XIAP: variants seen among roughly 807,000 people sequenced by gnomAD.
The protein encoded by XIAP is E3 ubiquitin-protein ligase XIAP.
A neutral mutation model predicts 33.1 loss-of-function variants in XIAP; 3 were observed. The ratio of observed to expected loss-of-function variants is 0.09; its 90% CI spans 0.04 to 0.23. The LOEUF (loss-of-function observed/expected upper bound fraction) is 0.23. XIAP is among the 10% of genes least tolerant of loss of function. The pLI is 1.00. For synonymous variants in XIAP, 98 were observed against 121.3 expected, an observed-to-expected ratio of 0.81 and a Z score of 1.26; for missense variants, 264 against 363.0, an observed-to-expected ratio of 0.73 and a Z score of 2.22.
At chrX:123,880,782 T>C (rs2053296554) in intron 1 of XIAP, among the ~76,000 whole-genome samples, 1 of 108,585 alleles carries the variant, frequency 9.2e-6, no homozygotes, top group South Asian at 4.0e-4. Context: ...TTTTGTGTCG[T>C]ATACAGACAC....
Position 123,899,722 on chromosome X carries a change from T to G in XIAP, c.1100-771T>G, listed in dbSNP as rs1009049264. 1.6e-4 allele frequency among the ~76,000 whole-genome samples: 18 copies of G among 110,798 alleles called. No homozygotes were observed. The East Asian group carries it at 3.9e-3, about 24-fold the overall frequency. ...TCCATATTGTCTGTGGCAATAGTTT[T>G]TTTTTTTTTTCTTGCTGTGTAGCGT... On this transcript the variant is annotated intron_variant, in intron 5 of 6. Transcript: ENST00000371199.
At chrX:123,860,835 T>G (rs2053072403) in intron 1 of XIAP, among the ~76,000 whole-genome samples, 1 of 111,419 alleles carries the variant, frequency 9.0e-6, no homozygotes, top group Admixed American at 9.7e-5. Context: ...GGGAGGGGAG[T>G]GTTTATTCTC....
intron 5 of XIAP, among the ~76,000 whole-genome samples, chrX:123,896,406 C>T (rs2053460448): frequency 9.0e-6 from 1 of 110,863 alleles, no homozygotes; most frequent in African/African-American, 3.3e-5. Context: ...TTCTACTGAA[C>T]AGTCTAGGGG....
At chrX:123,901,816 A>T (rs1569479373) in intron 6 of XIAP, among the ~76,000 whole-genome samples, 1 of 110,853 alleles carries the variant, frequency 9.0e-6, no homozygotes, top group Non-Finnish European at 1.9e-5. Context: ...TTTAATTGTC[A>T]TCTTTCTTTC....
At chrX:123,865,606 C>T (rs1474977374) in intron 1 of XIAP, among the ~76,000 whole-genome samples, 1 of 108,807 alleles carries the variant, frequency 9.2e-6, no homozygotes, top group African/African-American at 3.3e-5. Context: ...CGCCTGTAGT[C>T]CCAGCTACTT....
At chrX:123,901,654 A>G (rs1361866873) in intron 6 of XIAP, among the ~76,000 whole-genome samples, 2 of 111,988 alleles carry the variant, frequency 1.8e-5, no homozygotes, top group African/African-American at 3.2e-5. Flanking sequence ...AGATAATCGT[A>G]TAAGTTATGA....
intron 1 of XIAP, among the ~76,000 whole-genome samples, chrX:123,865,597 G>A (rs1237679165): frequency 2.0e-4 from 22 of 108,225 alleles, no homozygotes; most frequent in African/African-American, 5.7e-4. Context: ...GGTGGCAGGC[G>A]CCTGTAGTCC....
intron 6 of XIAP, among the ~76,000 whole-genome samples, chrX:123,905,498 T>TGCACACACAC (rs1261644762): frequency 8.9e-6 from 1 of 111,755 alleles, no homozygotes; most frequent in African/African-American, 3.3e-5. Flanking sequence ...TATGCATGCA[T>TGCACACACAC]GCACACACAC....
Position 123,906,844 on chromosome X carries a change from A to T in XIAP, c.1301-144A>T, listed in dbSNP as rs765835132. 11 of 628,575 alleles carry T rather than the reference A, an allele frequency of 1.7e-5. No homozygotes were observed. In the African/African-American group the frequency reaches 2.0e-4, roughly 11 times the overall value. The allele number at this position is 628,575 out of a possible 1,213,427, so 51.8% of individuals were successfully genotyped here. ...CCCACTAGCGTGTGAGCTATTTAAG[A>T]GCAGATGCCACGGGTGAGTCATCCT... On this transcript the variant is annotated intron_variant, in intron 6 of 6. Coordinates refer to ENST00000371199, the MANE Select transcript of XIAP (RefSeq NM_001167.4).
At chrX:123,893,177 T>C (rs1324596439) in intron 5 of XIAP, among the ~76,000 whole-genome samples, 2 of 109,800 alleles carry the variant, frequency 1.8e-5, no homozygotes, top group Non-Finnish European at 3.8e-5. Flanking sequence ...AGCATGTTCT[T>C]CCAAGGTCAC....
chrX:123,866,086 G>A (rs1338917191), intron 1 of XIAP, among the ~76,000 whole-genome samples: 44 of 110,746 alleles, frequency 4.0e-4, no homozygotes, highest in Non-Finnish European at 6.8e-4. Flanking sequence ...GATTACAGGC[G>A]CACGCCACCA....
chrX:123,859,869 CG>C, upstream of XIAP: 2 of 249,165 alleles, frequency 8.0e-6, no homozygotes, highest in Non-Finnish European at 1.5e-5. Flanking sequence ...CGCCCGGAGC[CG>C]GCGTGGCGCT....
At chrX:123,862,923 A>G (rs984826502) in intron 1 of XIAP, among the ~76,000 whole-genome samples, 1 of 109,447 alleles carries the variant, frequency 9.1e-6, no homozygotes, top group Non-Finnish European at 1.9e-5. Context: ...CCCTCTCTCT[A>G]ATAAAAATAC....
chrX:123,911,577 C>A lies in XIAP; in HGVS notation c.*4396C>A. 1 of 315,901 alleles carries A rather than the reference C, an allele frequency of 3.2e-6. No individual in the cohort carries two copies. The highest frequency in any genetic ancestry group is 2.9e-5 in the South Asian group (1 of 34,847). The allele number at this position is 315,901 out of a possible 1,213,427, so 26.0% of individuals were successfully genotyped here. A position where few individuals can be genotyped will look rare whatever the true frequency, so the allele number is the denominator to read the frequency against. Reference sequence around the variant, plus strand: ...CCCATAGTCGCAGCTACTCTGGAGGCAGAGGCAGGAGGATCACTTGAGCCC... The same window carrying A: ...CCCATAGTCGCAGCTACTCTGGAGGAAGAGGCAGGAGGATCACTTGAGCCC... On this transcript the variant is annotated 3_prime_UTR_variant, in exon 7 of 7. Coordinates refer to ENST00000371199, the MANE Select transcript of XIAP (RefSeq NM_001167.4).
chrX:123,866,225 C>T (rs2053133901), intron 1 of XIAP, among the ~76,000 whole-genome samples: 1 of 109,032 alleles, frequency 9.2e-6, no homozygotes, highest in African/African-American at 3.3e-5. Context: ...AGGTGTGAGC[C>T]ACCACACCCA....
At chrX:123,882,065 A>G (rs1267500510) in intron 1 of XIAP, among the ~76,000 whole-genome samples, 1 of 111,831 alleles carries the variant, frequency 8.9e-6, no homozygotes, top group Admixed American at 9.6e-5. Flanking sequence ...ACTTACATCT[A>G]TTTTGATTGA....
intron 3 of XIAP, among the ~76,000 whole-genome samples, chrX:123,890,700 G>A (rs1475501379): frequency 9.5e-6 from 1 of 105,613 alleles, no homozygotes; most frequent in African/African-American, 3.5e-5. Flanking sequence ...CCAGCACTTC[G>A]GGAGGCTGAG....
At position 123,888,615 on chromosome X, in the gene XIAP, G is replaced by C; in HGVS notation, c.878-4G>C. ...AATACATATATTCCTGTGTGTTTTC[G>C]TAGGTGAAGGTGATAAAGTAAAGTG... On this transcript the variant is annotated splice_polypyrimidine_tract_variant and splice_region_variant and intron_variant, in intron 2 of 6. Transcript: ENST00000371199. The C allele has an allele frequency of 8.3e-7, 1 of 1,206,811 alleles. No homozygotes were observed. Among genetic ancestry groups the C allele is most frequent in the Non-Finnish European group, 1.1e-6 (1 of 891,499 alleles).
At chrX:123,873,100 C>CA (rs2148076238) in intron 1 of XIAP, 1 of 107,557 alleles carries the variant, frequency 9.3e-6, no homozygotes, top group African/African-American at 3.4e-5. Flanking sequence ...GGCGCAATCT[C>CA]GGCTCACCGC....
Sources: gnomAD v4.1 joint callset for allele counts (sites outside exome capture counted in the v4.1 genomes callset) on GRCh38, gnomAD v4.1.1 for gene constraint, MANE v1.5 for transcripts, NCBI Gene and HGNC (gene_info 2026-07-23, HGNC 2026-07-21) for gene names.